GATAD2B: variants seen among roughly 807,000 people sequenced by gnomAD.
GATAD2B encodes the protein GATA zinc finger domain containing 2B.
In GATAD2B, 8 loss-of-function variants were observed where a neutral mutation model predicts 64.3. That is an observed-to-expected ratio of 0.12 (90% CI 0.07 to 0.22). The LOEUF is 0.22. Ranked by LOEUF, GATAD2B falls within the 10% of genes least tolerant of loss-of-function variation. The pLI is 1.00. For synonymous variants in GATAD2B, 281 were observed against 271.3 expected, an observed-to-expected ratio of 1.04 and a Z score of -0.35; for missense variants, 453 against 752.0, an observed-to-expected ratio of 0.60 and a Z score of 4.65.
At chr1:153,888,321 C>T (rs1201476452) in intron 1 of GATAD2B, among the ~76,000 whole-genome samples, 1 of 151,980 alleles carries the variant, frequency 6.6e-6, no homozygotes, top group African/African-American at 2.4e-5. Flanking sequence ...TATTTAATAC[C>T]TACAGAATAA....
At chr1:153,891,291 G>C (rs559467047) in intron 1 of GATAD2B, among the ~76,000 whole-genome samples, 1 of 151,916 alleles carries the variant, frequency 6.6e-6, no homozygotes, top group African/African-American at 2.4e-5. Context: ...AAGGCAGCCG[G>C]GAGTGGTGGT....
chr1:153,916,194 T>G (rs1424592573), intron 1 of GATAD2B, among the ~76,000 whole-genome samples: 1 of 149,058 alleles, frequency 6.7e-6, no homozygotes, highest in Non-Finnish European at 1.5e-5. Flanking sequence ...AGCAGAACAA[T>G]CACTTGAACC....
chr1:153,917,394 C>T (rs1678306017), intron 1 of GATAD2B, among the ~76,000 whole-genome samples: 1 of 145,084 alleles, frequency 6.9e-6, no homozygotes, highest in Non-Finnish European at 1.5e-5. Flanking sequence ...CCATGCCCCA[C>T]ATATCTTTTT....
chr1:153,891,509 G>GT lies in GATAD2B; in HGVS notation c.-2+31223dup, dbSNP rs1289073423. Among the ~76,000 whole-genome samples the GT allele has an allele frequency of 3.6e-5, 5 of 137,712 alleles. No homozygotes were observed. In the Admixed American group the frequency reaches 3.9e-4, roughly 11 times the overall value. The allele number at this position is 137,712 out of a possible 152,430, so 90.3% of individuals were successfully genotyped here. A position where few individuals can be genotyped will look rare whatever the true frequency, so the allele number is the denominator to read the frequency against. On this transcript the variant is annotated intron_variant, in intron 1 of 10. Transcript: ENST00000368655. The stretch of plus-strand genomic sequence containing the variant: ...TGCTTGAGCCCAGGAGGCAGAGTTT[G>GT]TAGTGAGCTGAGATCGTGCCACTGC...
rs886716329 is a variant in GATAD2B at position 153,922,915 on chromosome 1, G to C, written c.-184C>G. The C allele has an allele frequency of 6.4e-6, 1 of 156,288 alleles. No individual in the cohort carries two copies. Among genetic ancestry groups the C allele is most frequent in the African/African-American group, 2.4e-5 (1 of 41,436 alleles). 9.7% of individuals were successfully genotyped at this position (156,288 alleles called of 1,614,324 possible). A position where few individuals can be genotyped will look rare whatever the true frequency, so the allele number is the denominator to read the frequency against. The stretch of plus-strand genomic sequence containing the variant: ...CGGAGCAGACACTGCGGTACAGACG[G>C]GGGCAGCGGCGGCGGCGACGGCTGC... On this transcript the variant is annotated 5_prime_UTR_variant, in exon 1 of 11. Transcript: ENST00000368655.
rs142479677 is a variant in GATAD2B, at chr1:153,835,221, G to A, written c.-1-6873C>T. ...TGGAATCTACTCCTGGTAAGATGCTGTGAACACTGTTGAAATGACACCAGA... is the reference window on the plus strand; with the variant it reads ...TGGAATCTACTCCTGGTAAGATGCTATGAACACTGTTGAAATGACACCAGA... On this transcript the variant is annotated intron_variant, in intron 1 of 10. Transcript: ENST00000368655. Among the ~76,000 whole-genome samples, 3 of 152,304 alleles carry A rather than the reference G, an allele frequency of 2.0e-5. No individual in the cohort carries two copies. In the East Asian group the frequency reaches 5.8e-4, roughly 29 times the overall value.
intron 1 of GATAD2B, among the ~76,000 whole-genome samples, chr1:153,870,252 C>G (rs886486045): frequency 5.3e-5 from 8 of 151,988 alleles, no homozygotes; most frequent in African/African-American, 1.9e-4. Flanking sequence ...ACCTGGTCAC[C>G]CTGTCTCTAC....
At chr1:153,912,812 G>C (rs961145274) in intron 1 of GATAD2B, among the ~76,000 whole-genome samples, 1 of 152,096 alleles carries the variant, frequency 6.6e-6, no homozygotes, top group East Asian at 1.9e-4. Context: ...GACAGGACAG[G>C]CTGGGCACAG....
chr1:153,904,327 T>C (rs1677864249), intron 1 of GATAD2B, among the ~76,000 whole-genome samples: 1 of 150,826 alleles, frequency 6.6e-6, no homozygotes, highest in South Asian at 2.1e-4. Flanking sequence ...AATATTAGCT[T>C]GTATATGTAT....
chr1:153,896,792 T>C (rs879746741), intron 1 of GATAD2B, among the ~76,000 whole-genome samples: 6 of 152,122 alleles, frequency 3.9e-5, no homozygotes, highest in Non-Finnish European at 7.3e-5. Flanking sequence ...ACTGAAATAT[T>C]AACTACAGAG....
chr1:153,907,269 G>A (rs1329528064), intron 1 of GATAD2B, among the ~76,000 whole-genome samples: 2 of 152,180 alleles, frequency 1.3e-5, no homozygotes, highest in African/African-American at 2.4e-5. Flanking sequence ...TCCACCAACC[G>A]ATGAATGGAT....
chr1:153,873,219 T>G (rs1676724121), intron 1 of GATAD2B, among the ~76,000 whole-genome samples: 1 of 152,224 alleles, frequency 6.6e-6, no homozygotes, highest in African/African-American at 2.4e-5. Context: ...CTTTGAAAAC[T>G]GCTAGGCTAC....
At chr1:153,908,757 C>CAT (rs1678024824) in intron 1 of GATAD2B, among the ~76,000 whole-genome samples, 1 of 145,894 alleles carries the variant, frequency 6.9e-6, no homozygotes, top group African/African-American at 2.6e-5. Flanking sequence ...TGTGAGCCAC[C>CAT]GCACCTGGCC....
At chr1:153,908,971 T>C (rs1319125046) in intron 1 of GATAD2B, among the ~76,000 whole-genome samples, 2 of 151,348 alleles carry the variant, frequency 1.3e-5, no homozygotes, top group East Asian at 2.0e-4. Context: ...GAGGCCGAGG[T>C]AGGAGGACTG....
At chr1:153,887,746 G>A (rs1001053143) in intron 1 of GATAD2B, among the ~76,000 whole-genome samples, 5 of 152,090 alleles carry the variant, frequency 3.3e-5, no homozygotes, top group African/African-American at 1.2e-4. Context: ...GATAACTGTA[G>A]AGGCCTTCAA....
chr1:153,893,735 G>T (rs1038647690), intron 1 of GATAD2B, among the ~76,000 whole-genome samples: 6 of 151,818 alleles, frequency 4.0e-5, no homozygotes, highest in African/African-American at 1.2e-4. Context: ...CAAGGTGGGT[G>T]GATCACAGGG....
intron 2 of GATAD2B, among the ~76,000 whole-genome samples, chr1:153,824,470 T>C (rs545774178): frequency 5.3e-5 from 8 of 151,098 alleles, no homozygotes; most frequent in South Asian, 2.1e-4. Context: ...CTACTAAAAA[T>C]ACAAAAATTA....
intron 1 of GATAD2B, among the ~76,000 whole-genome samples, chr1:153,859,070 C>T (rs1158401229): frequency 6.6e-6 from 1 of 152,016 alleles, no homozygotes; most frequent in African/African-American, 2.4e-5. Context: ...AAATCCAAGA[C>T]GGAGGGTGGT....
At chr1:153,899,570 A>C (rs1677705324) in intron 1 of GATAD2B, among the ~76,000 whole-genome samples, 1 of 151,508 alleles carries the variant, frequency 6.6e-6, no homozygotes. Context: ...CTCCATCTTA[A>C]AAAGAAAAAA....
Sources: allele counts gnomAD v4.1 joint callset (sites outside exome capture counted in the v4.1 genomes callset), GRCh38; gene constraint gnomAD v4.1.1; transcripts MANE v1.5; gene names NCBI Gene and HGNC (gene_info 2026-07-23, HGNC 2026-07-21).